KANK1: variants seen among roughly 807,000 people sequenced by gnomAD.
The protein encoded by KANK1 is KN motif and ankyrin repeat domains 1.
In KANK1, 109 loss-of-function variants were observed where a neutral mutation model predicts 106.2. That is an observed-to-expected ratio of 1.03 (90% CI 0.88 to 1.20). The LOEUF is 1.20. Among genes scored for constraint, KANK1 ranks in the 50% most tolerant of loss-of-function variants. KANK1 has a pLI of 0.00. For synonymous variants in KANK1, 873 were observed against 652.2 expected, an observed-to-expected ratio of 1.34 and a Z score of -5.16; for missense variants, 2,399 against 1,710.7, an observed-to-expected ratio of 1.40 and a Z score of -7.10.
At chr9:671,722 A>G (rs181246874) in intron 1 of KANK1, among the ~76,000 whole-genome samples, 1 of 152,044 alleles carries the variant, frequency 6.6e-6, no homozygotes, top group East Asian at 1.9e-4. Context: ...TAAGGTTGCA[A>G]ATACAGTTGC....
intron 4 of KANK1, 40 bp from the exon 5 acceptor site, chr9:731,118 G>T: frequency 9.4e-7 from 1 of 1,064,244 alleles, no homozygotes; most frequent in East Asian, 2.5e-5. Flanking sequence ...AACATGTATG[G>T]GTGTGAGTTT....
intron 1 of KANK1, among the ~76,000 whole-genome samples, chr9:590,730 G>A (rs1421707621): frequency 6.6e-6 from 1 of 151,332 alleles, no homozygotes; most frequent in African/African-American, 2.4e-5. Flanking sequence ...AAACCTCTCT[G>A]CTTATCAGTA....
chr9:627,935 A>C (rs1395681215), intron 1 of KANK1, among the ~76,000 whole-genome samples: 1 of 149,916 alleles, frequency 6.7e-6, no homozygotes, highest in Admixed American at 6.7e-5. Flanking sequence ...AGCCCCCGCT[A>C]AGTGAAAATT....
chr9:735,048 C>A (rs181181483), intron 7 of KANK1, among the ~76,000 whole-genome samples: 3 of 152,190 alleles, frequency 2.0e-5, no homozygotes, highest in Non-Finnish European at 4.4e-5. Context: ...ACATCCTTTA[C>A]CCACCCTGGA....
chr9:721,729 G>A (rs1028489906), intron 3 of KANK1, among the ~76,000 whole-genome samples: 13 of 152,242 alleles, frequency 8.5e-5, no homozygotes, highest in African/African-American at 3.1e-4. Context: ...GACTCCTGAA[G>A]CTAGGACTTT....
chr9:595,064 T>A (rs1825879573), intron 1 of KANK1, among the ~76,000 whole-genome samples: 1 of 151,950 alleles, frequency 6.6e-6, no homozygotes, highest in Non-Finnish European at 1.5e-5. Flanking sequence ...TAATTTAAAT[T>A]TCTTGTTTTG....
At chr9:716,262 T>C (rs973418687) in intron 3 of KANK1, among the ~76,000 whole-genome samples, 1 of 152,196 alleles carries the variant, frequency 6.6e-6, no homozygotes, top group Non-Finnish European at 1.5e-5. Flanking sequence ...CTTCACAGGG[T>C]TGTAATGAAG....
intron 1 of KANK1, 28 bp downstream of exon 1, chr9:504,782 G>T (rs1201254325): frequency 6.8e-6 from 1 of 148,012 alleles, no homozygotes; most frequent in Non-Finnish European, 1.5e-5. Context: ...GCCGTGCCGC[G>T]CCCCGTGCCG....
At chr9:499,826 A>G (rs1203008040), upstream of KANK1, among the ~76,000 whole-genome samples, 1 of 152,224 alleles carries the variant, frequency 6.6e-6, no homozygotes, top group East Asian at 1.9e-4. Context: ...GGAAATGAAG[A>G]CCCAAAGATG....
chr9:593,297 A>G (rs919061011), intron 1 of KANK1, among the ~76,000 whole-genome samples: 2 of 151,862 alleles, frequency 1.3e-5, no homozygotes, highest in Non-Finnish European at 2.9e-5. Context: ...AGATGTGCCC[A>G]TTCTCACATA....
At chr9:581,307 C>G (rs1378865267) in intron 1 of KANK1, among the ~76,000 whole-genome samples, 5 of 152,250 alleles carry the variant, frequency 3.3e-5, no homozygotes, top group African/African-American at 9.6e-5. Context: ...ACGTTGTCAC[C>G]TCTCAATGCC....
At chr9:666,616 C>T (rs1563953311) in intron 1 of KANK1, among the ~76,000 whole-genome samples, 1 of 151,904 alleles carries the variant, frequency 6.6e-6, no homozygotes, top group African/African-American at 2.4e-5. Flanking sequence ...AGGTATGTTT[C>T]CTCTGTACCC....
intron 7 of KANK1, 120 bp downstream of exon 7, chr9:734,955 C>G (rs567748040): frequency 7.0e-6 from 5 of 712,834 alleles, no homozygotes; most frequent in Admixed American, 4.6e-5. Context: ...TGAACTGTTT[C>G]CAGCATGAGT....
chr9:561,861 G>C lies in KANK1; in HGVS notation c.-84+57107G>C, dbSNP rs562927526. ...AGTCTGTAACAGAGAAAATACTGCA[G>C]ACGTTTTCTGTATTCAGAAAGCACT... On this transcript the variant is annotated intron_variant, in intron 1 of 11. Transcript: ENST00000382297. 6.6e-5 allele frequency among the ~76,000 whole-genome samples: 10 copies of C among 152,294 alleles called. No individual in the cohort carries two copies. In the East Asian group the frequency reaches 1.9e-3, roughly 29 times the overall value.
At chr9:499,919 G>C (rs1326607625), upstream of KANK1, among the ~76,000 whole-genome samples, 2 of 152,228 alleles carry the variant, frequency 1.3e-5, no homozygotes, top group Non-Finnish European at 2.9e-5. Flanking sequence ...GGGCTTGCTA[G>C]TTAATTGGTG....
At chr9:497,757 G>T (rs1425097247) in intron 3 of KANK1, among the ~76,000 whole-genome samples, 2 of 152,036 alleles carry the variant, frequency 1.3e-5, no homozygotes, top group African/African-American at 4.8e-5. Flanking sequence ...GGAAGCGGAG[G>T]TAGGAGGATC....
chr9:472,807 G>GT lies in KANK1; in HGVS notation c.-441-386dup, dbSNP rs542638410. 1.6e-4 allele frequency among the ~76,000 whole-genome samples: 24 copies of GT among 152,302 alleles called. No homozygotes were observed. In the South Asian group the frequency reaches 4.6e-3, roughly 29 times the overall value. On this transcript the variant is annotated intron_variant, in intron 2 of 15. Coordinates refer to the KANK1 transcript ENST00000382303. Reference sequence around the variant, plus strand: ...CCAAGCAGAGGCTTGATCCGAGCTGGTGCAGGCATGACAGCCAGGCTTCCT... The same window carrying GT: ...CCAAGCAGAGGCTTGATCCGAGCTGGTTGCAGGCATGACAGCCAGGCTTCCT...
chr9:740,754 C>T (rs767579989), intron 8 of KANK1, 38 bp from the exon 9 acceptor site: 2 of 1,590,824 alleles, frequency 1.3e-6, no homozygotes, highest in Non-Finnish European at 1.7e-6. Flanking sequence ...TTAGAAGGGG[C>T]TGCTTCCTAA....
At position 565,067 on chromosome 9, in the gene KANK1, G is replaced by A. The variant is rs546798577; in HGVS notation, c.-84+60313G>A. Among the ~76,000 whole-genome samples the A allele has an allele frequency of 3.9e-5, 6 of 152,326 alleles. No homozygotes were observed. In the South Asian group the frequency reaches 8.3e-4, roughly 21 times the overall value. On this transcript the variant is annotated intron_variant, in intron 1 of 11. Transcript: ENST00000382297. ...CAGTGGGTAGAGAAGAGAGACCAAA[G>A]TGTGACTTTAGAAACAGAAAAATCC...
Sources: gnomAD v4.1 joint callset for allele counts (sites outside exome capture counted in the v4.1 genomes callset) on GRCh38, gnomAD v4.1.1 for gene constraint, MANE v1.5 for transcripts, NCBI Gene and HGNC (gene_info 2026-07-23, HGNC 2026-07-21) for gene names.